SFMBT1: variants seen among roughly 807,000 people sequenced by gnomAD.
SFMBT1 encodes scm-like with four MBT domains protein 1.
Under a neutral mutation model 108.7 loss-of-function variants are expected in SFMBT1, and 32 were observed. The observed-to-expected ratio is 0.29, with a 90% CI of 0.22 to 0.40. The LOEUF is 0.40. SFMBT1 is among the 10% of genes least tolerant of loss of function. The pLI is 1.00. For missense variants in SFMBT1, 816 were observed against 1,059.6 expected (o/e 0.77, Z 3.19); for synonymous variants, 348 against 369.5 (o/e 0.94, Z 0.67).
At chr3:53,008,720 TCC>T in intron 1 of SFMBT1, among the ~76,000 whole-genome samples, 1 of 150,924 alleles carries the variant, frequency 6.6e-6, no homozygotes, top group Non-Finnish European at 1.5e-5. Context: ...AAGCTCCGCC[TCC>T]CAGGTTTACT....
chr3:52,980,365 C>G (rs143866559), intron 1 of SFMBT1, among the ~76,000 whole-genome samples: 1 of 152,112 alleles, frequency 6.6e-6, no homozygotes, highest in East Asian at 1.9e-4. Context: ...ATCATCTCCA[C>G]GTGGGCAATT....
intron 2 of SFMBT1, among the ~76,000 whole-genome samples, chr3:52,960,305 G>A (rs986483261): frequency 3.3e-5 from 5 of 152,248 alleles, no homozygotes; most frequent in African/African-American, 1.2e-4. Flanking sequence ...GGGATAAAGA[G>A]AAGGAAACAG....
At chr3:52,913,426 A>T (rs1575367764) in intron 15 of SFMBT1, 52 bp downstream of exon 15, 27 of 1,588,142 alleles carry the variant, frequency 1.7e-5, no homozygotes, top group Non-Finnish European at 2.1e-5. Context: ...AAATGACCAT[A>T]GGAGAATGCT....
chr3:53,031,832 A>T (rs915592416), intron 1 of SFMBT1, among the ~76,000 whole-genome samples: 1 of 152,196 alleles, frequency 6.6e-6, no homozygotes, highest in Admixed American at 6.5e-5. Context: ...AATTAGGAAA[A>T]ACATCCTGGG....
chr3:52,919,578 G>C (rs986061069), intron 12 of SFMBT1, among the ~76,000 whole-genome samples: 2 of 152,226 alleles, frequency 1.3e-5, no homozygotes, highest in African/African-American at 4.8e-5. Flanking sequence ...TGACTATGGT[G>C]ATAGCTGGTA....
chr3:52,931,134 C>A, intron 6 of SFMBT1, 99 bp from the exon 7 acceptor site: 1 of 1,092,622 alleles, frequency 9.2e-7, no homozygotes, highest in Non-Finnish European at 1.4e-6. Context: ...TCACTTTCCA[C>A]TGGAACTAGA....
chr3:53,042,495 G>A (rs1225837391), intron 1 of SFMBT1, among the ~76,000 whole-genome samples: 5 of 152,004 alleles, frequency 3.3e-5, no homozygotes, highest in African/African-American at 1.2e-4. Context: ...GCCCACCACC[G>A]CGCCTGGCTA....
At position 53,046,021 on chromosome 3, in the gene SFMBT1, C is replaced by G. The variant is rs1700232371; in HGVS notation, c.-336G>C. 6.6e-6 allele frequency: 1 copy of G among 151,594 alleles called. No homozygotes were observed. The highest frequency in any genetic ancestry group is 6.6e-5 in the Admixed American group (1 of 15,212). 9.4% of individuals were successfully genotyped at this position (151,594 alleles called of 1,614,324 possible). Reference sequence around the variant, plus strand: ...GCAGCTCTCCCCGCCCCCCTCCACCCGCGCTCCGGCGGAGGCGGCGGCGGC... The same window carrying G: ...GCAGCTCTCCCCGCCCCCCTCCACCGGCGCTCCGGCGGAGGCGGCGGCGGC... On this transcript the variant is annotated 5_prime_UTR_variant, in exon 1 of 21. Transcript: ENST00000394752.
chr3:52,956,199 C>T (rs548150642), intron 2 of SFMBT1, among the ~76,000 whole-genome samples: 6 of 152,322 alleles, frequency 3.9e-5, no homozygotes, highest in African/African-American at 7.2e-5. Flanking sequence ...TGGTAGCTCA[C>T]GCCTGTAATC....
intron 1 of SFMBT1, among the ~76,000 whole-genome samples, chr3:53,037,341 T>G (rs1699899416): frequency 6.6e-6 from 1 of 152,202 alleles, no homozygotes; most frequent in Non-Finnish European, 1.5e-5. Context: ...TCTTCTCTGT[T>G]GATTGAGGAG....
intron 1 of SFMBT1, among the ~76,000 whole-genome samples, chr3:53,010,836 A>T (rs1051744209): frequency 6.6e-6 from 1 of 152,252 alleles, no homozygotes; most frequent in Non-Finnish European, 1.5e-5. Context: ...ATGACACCAG[A>T]TAAAAAAGAC....
chr3:53,029,585 T>C (rs915068171), intron 1 of SFMBT1, among the ~76,000 whole-genome samples: 1 of 152,234 alleles, frequency 6.6e-6, no homozygotes, highest in Non-Finnish European at 1.5e-5. Flanking sequence ...CAGAAATTGA[T>C]ACAATTTGTT....
intron 1 of SFMBT1, among the ~76,000 whole-genome samples, chr3:52,980,641 C>T (rs2581816): frequency 0.39 from 55,943 of 142,628 alleles, 10,670 homozygotes; most frequent in Admixed American, 0.49. Context: ...AAATCCAGCA[C>T]AAGGACCATT....
intron 1 of SFMBT1, among the ~76,000 whole-genome samples, chr3:53,002,879 T>C (rs1346982214): frequency 6.7e-6 from 1 of 150,130 alleles, no homozygotes; most frequent in Non-Finnish European, 1.5e-5. Flanking sequence ...TTATTGGGTG[T>C]TTTCCCCCGC....
At chr3:52,931,928 C>A in intron 6 of SFMBT1, 134 bp downstream of exon 6, 1 of 1,010,138 alleles carries the variant, frequency 9.9e-7, no homozygotes, top group African/African-American at 1.6e-5. Context: ...TCCATATAAA[C>A]TGTTTTGTAA....
intron 1 of SFMBT1, among the ~76,000 whole-genome samples, chr3:52,983,261 TTAATA>T (rs1704783327): frequency 6.6e-6 from 1 of 152,202 alleles, no homozygotes; most frequent in African/African-American, 2.4e-5. Flanking sequence ...AGAGTCAATA[TTAATA>T]TATTTTCTCT....
chr3:52,989,897 G>A (rs1469802588), intron 1 of SFMBT1, among the ~76,000 whole-genome samples: 5 of 152,078 alleles, frequency 3.3e-5, no homozygotes, highest in African/African-American at 1.2e-4. Flanking sequence ...CATCCAAACA[G>A]GCCGACAAGA....
At chr3:52,912,724 T>A in intron 15 of SFMBT1, 77 bp from the exon 16 acceptor site, 1 of 1,047,892 alleles carries the variant, frequency 9.5e-7, no homozygotes, top group Non-Finnish European at 1.5e-6. Context: ...ATCTCTTCCT[T>A]AAAATGTTAA....
intron 4 of SFMBT1, among the ~76,000 whole-genome samples, chr3:52,939,345 G>T (rs1303423985): frequency 6.6e-6 from 1 of 152,118 alleles, no homozygotes; most frequent in African/African-American, 2.4e-5. Context: ...AAGCTCAGGC[G>T]GGCAGATCAC....
Sources: gnomAD v4.1 joint callset for allele counts (sites outside exome capture counted in the v4.1 genomes callset) on GRCh38, gnomAD v4.1.1 for gene constraint, MANE v1.5 for transcripts, NCBI Gene and HGNC (gene_info 2026-07-23, HGNC 2026-07-21) for gene names.